The following B4GALT6 variants were observed in gnomAD, a reference collection of about 807,000 sequenced individuals.
The protein encoded by B4GALT6 is beta-1,4-galactosyltransferase 6.
A neutral mutation model predicts 46.3 loss-of-function variants in B4GALT6; 14 were observed. The observed-to-expected ratio is 0.30, with a 90% CI of 0.20 to 0.47. The LOEUF (loss-of-function observed/expected upper bound fraction) is 0.47. Among genes scored for constraint, B4GALT6 ranks in the 20% least tolerant of loss-of-function variants. The pLI is 0.99. For missense variants in B4GALT6, 386 were observed against 480.1 expected (o/e 0.80, Z 1.83); for synonymous variants, 168 against 162.0 (o/e 1.04, Z -0.28).
intron 1 of B4GALT6, among the ~76,000 whole-genome samples, chr18:31,670,983 T>C (rs1489243229): frequency 2.0e-5 from 3 of 152,086 alleles, no homozygotes; most frequent in Admixed American, 6.6e-5. Context: ...CTCCCACTTA[T>C]GAGAACACGT....
intron 2 of B4GALT6, among the ~76,000 whole-genome samples, chr18:31,664,101 A>G (rs941682279): frequency 2.6e-5 from 4 of 152,190 alleles, no homozygotes; most frequent in Non-Finnish European, 5.9e-5. Context: ...TCCAGAAAAG[A>G]GGTACCTTAT....
At chr18:31,650,855 G>A (rs1472236367) in intron 3 of B4GALT6, among the ~76,000 whole-genome samples, 6 of 151,968 alleles carry the variant, frequency 3.9e-5, no homozygotes, top group Non-Finnish European at 7.4e-5. Flanking sequence ...TACAAGCTCC[G>A]CCTCCCGGGT....
chr18:31,681,896 G>T (rs1304195069), intron 1 of B4GALT6, among the ~76,000 whole-genome samples: 4 of 152,150 alleles, frequency 2.6e-5, no homozygotes, highest in Admixed American at 6.5e-5. Flanking sequence ...TTTGCCCCAA[G>T]ATGTAATTCA....
rs180983006 is a variant in B4GALT6 at position 31,668,723 on chromosome 18, G to A, written c.116-2351C>T. Among the ~76,000 whole-genome samples the A allele has an allele frequency of 2.3e-3, 352 of 151,850 alleles. 1 individual carries two copies. The highest frequency in any genetic ancestry group is 3.7e-3 in the Non-Finnish European group (251 of 67,926). ...GTCATCTAAAAGTTGTAATCTGGCC[G>A]GGCGTGGTGGCTCATGCCTGTAATC... On this transcript the variant is annotated intron_variant, in intron 1 of 8. Transcript: ENST00000306851.
chr18:31,645,363 T>G lies in B4GALT6; in HGVS notation c.463A>C (p.Arg155=). Residue 155 remains arginine (R), a synonymous_variant, in exon 4 of 9, where the codon AGA becomes CGA. Coordinates refer to ENST00000306851, the MANE Select transcript of B4GALT6 (RefSeq NM_004775.5). ...GHWRPKDCKP[R]WKVAVLIPFR... ...AAAAGAATTTACCTCACCTTCCATC[T>G]GGGTTTACAGTCTTTTGGCCTCCAA... 6.2e-7 allele frequency: 1 copy of G among 1,613,232 alleles called. No individual in the cohort carries two copies. The highest frequency in any genetic ancestry group is 8.5e-7 in the Non-Finnish European group (1 of 1,179,782).
the B4GALT6 span, among the ~76,000 whole-genome samples, chr18:31,708,042 T>A: frequency 6.1e-4 from 93 of 152,334 alleles, no homozygotes; most frequent in Non-Finnish European, 1.2e-3. Context: ...CATGAATCTA[T>A]CATGAGTTGA....
the B4GALT6 span, among the ~76,000 whole-genome samples, chr18:31,702,358 T>C: frequency 3.3e-5 from 5 of 152,118 alleles, no homozygotes; most frequent in Non-Finnish European, 7.4e-5. Flanking sequence ...AAGTTATACA[T>C]AGGGTGACTG....
At chr18:31,656,523 A>T (rs1422095961) in intron 3 of B4GALT6, among the ~76,000 whole-genome samples, 1 of 151,926 alleles carries the variant, frequency 6.6e-6, no homozygotes, top group Non-Finnish European at 1.5e-5. Context: ...CATAATTAAA[A>T]ATATATATAT....
intron 3 of B4GALT6, among the ~76,000 whole-genome samples, chr18:31,648,014 C>T (rs1000017265): frequency 6.6e-6 from 1 of 152,132 alleles, no homozygotes; most frequent in Non-Finnish European, 1.5e-5. Flanking sequence ...GGAAAACCAC[C>T]TGCTATGAAT....
chr18:31,682,281 T>TA (rs1244339212), intron 1 of B4GALT6, among the ~76,000 whole-genome samples: 1 of 152,214 alleles, frequency 6.6e-6, no homozygotes, highest in Non-Finnish European at 1.5e-5. Flanking sequence ...TACTTAAAGA[T>TA]ACAAAAGATT....
chr18:31,711,800 C>T, the B4GALT6 span, among the ~76,000 whole-genome samples: 3 of 152,188 alleles, frequency 2.0e-5, no homozygotes, highest in Admixed American at 6.5e-5. Context: ...TTTGAACATG[C>T]AGGCTCCTTA....
chr18:31,640,817 A>T (rs1207383725), intron 4 of B4GALT6, among the ~76,000 whole-genome samples: 1 of 152,232 alleles, frequency 6.6e-6, no homozygotes, highest in Non-Finnish European at 1.5e-5. Flanking sequence ...CTTCAGCGCC[A>T]ATGGCTGGCA....
chr18:31,714,243 C>T, the B4GALT6 span, among the ~76,000 whole-genome samples: 25 of 152,346 alleles, frequency 1.6e-4, no homozygotes, highest in Admixed American at 1.2e-3. Flanking sequence ...CGATACAAAA[C>T]ATTTCCATCA....
chr18:31,719,244 C>T, the B4GALT6 span: 1 of 152,368 alleles, frequency 6.6e-6, no homozygotes, highest in Non-Finnish European at 1.5e-5. Flanking sequence ...AGGGAGAACT[C>T]AGGCTATGCT....
chr18:31,670,469 C>G (rs983491256), intron 1 of B4GALT6, among the ~76,000 whole-genome samples: 3 of 152,146 alleles, frequency 2.0e-5, no homozygotes, highest in African/African-American at 7.2e-5. Context: ...CCAATTTCTC[C>G]AAATAGAAAA....
the B4GALT6 span, among the ~76,000 whole-genome samples, chr18:31,691,462 T>C: frequency 6.6e-6 from 1 of 151,616 alleles, no homozygotes; most frequent in Non-Finnish European, 1.5e-5. Context: ...AGATAAAATA[T>C]ATAGATGAAA....
chr18:31,719,434 T>C, the B4GALT6 span, among the ~76,000 whole-genome samples: 1 of 152,172 alleles, frequency 6.6e-6, no homozygotes, highest in Non-Finnish European at 1.5e-5. Context: ...TGAAGGAAGC[T>C]TGGGGCTAGT....
At chr18:31,643,868 C>A (rs755754654) in intron 4 of B4GALT6, among the ~76,000 whole-genome samples, 1 of 152,176 alleles carries the variant, frequency 6.6e-6, no homozygotes, top group Admixed American at 6.5e-5. Context: ...TCTGTACAAA[C>A]AACTATCTGA....
rs1055336027 is a variant in B4GALT6, at chr18:31,669,456, T to G, written c.116-3084A>C. ...ATACTTAAATAATCTGTCTTGAATA[T>G]CTCAATTCTTTTTTCCTCTATTTTT... On this transcript the variant is annotated intron_variant, in intron 1 of 8. Coordinates refer to ENST00000306851, the MANE Select transcript of B4GALT6 (RefSeq NM_004775.5). 6.6e-5 allele frequency among the ~76,000 whole-genome samples: 10 copies of G among 152,214 alleles called. No homozygotes were observed. In the South Asian group the frequency reaches 1.7e-3, roughly 25 times the overall value.
Sources: gnomAD v4.1 joint callset for allele counts (sites outside exome capture counted in the v4.1 genomes callset) on GRCh38, gnomAD v4.1.1 for gene constraint, MANE v1.5 for transcripts, NCBI Gene and HGNC (gene_info 2026-07-23, HGNC 2026-07-21) for gene names.